The following IGFBP5 variants were observed in gnomAD, a reference collection of about 807,000 sequenced individuals.
IGFBP5 encodes insulin-like growth factor-binding protein 5.
Under a neutral mutation model 28.0 loss-of-function variants are expected in IGFBP5, and 12 were observed. The ratio of observed to expected loss-of-function variants is 0.43; its 90% CI spans 0.27 to 0.69. The LOEUF is 0.69. Ranked by LOEUF, IGFBP5 falls within the 30% of genes least tolerant of loss-of-function variation. IGFBP5 has a pLI of 0.20. For synonymous variants in IGFBP5, 152 were observed against 150.2 expected (o/e 1.01, Z -0.09); for missense variants, 344 against 381.6 (o/e 0.90, Z 0.82).
chr2:216,687,253 A>G (rs1232995208), intron 1 of IGFBP5, among the ~76,000 whole-genome samples: 1 of 152,000 alleles, frequency 6.6e-6, no homozygotes, highest in Non-Finnish European at 1.5e-5. Flanking sequence ...CCACTTAGAG[A>G]GCTCCCCCTG....
At chr2:216,693,157 T>A (rs1689120377) in intron 1 of IGFBP5, among the ~76,000 whole-genome samples, 1 of 151,876 alleles carries the variant, frequency 6.6e-6, no homozygotes, top group Non-Finnish European at 1.5e-5. Context: ...TTTAACTTTT[T>A]TTTTTTTTAA....
intron 1 of IGFBP5, among the ~76,000 whole-genome samples, chr2:216,687,574 C>A (rs1364491812): frequency 6.6e-6 from 1 of 152,222 alleles, no homozygotes; most frequent in Non-Finnish European, 1.5e-5. Flanking sequence ...ATAGGAAATA[C>A]ACACTGATGC....
chr2:216,678,858 A>T lies in IGFBP5; in HGVS notation c.559T>A (p.Ser187Thr). Residue 187 changes from serine (S) to threonine (T), a missense_variant, in exon 2 of 4, where the codon TCT becomes ACT. By Grantham distance (58) the Ser-to-Thr change is moderately conservative (BLOSUM62 1). Around this residue, in one of 3 missense-constraint regions of IGFBP5, gnomAD observed 304 missense variants for 329.2 expected, o/e 0.92. Transcript: ENST00000233813. ...GAATCCCCGAGATGCACCTGCTCAGACTCCTGTCTCATCTCAGGTGCAGAG... is the reference window on the plus strand; with the variant it reads ...GAATCCCCGAGATGCACCTGCTCAGTCTCCTGTCTCATCTCAGGTGCAGAG... ...IISAPEMRQE[S>T]EQGPCRRHME... The T allele has an allele frequency of 6.2e-7, 1 of 1,613,006 alleles. No homozygotes were observed. Among genetic ancestry groups the T allele is most frequent in the Non-Finnish European group, 8.5e-7 (1 of 1,179,210 alleles).
At chr2:216,687,390 G>A (rs1574581581) in intron 1 of IGFBP5, among the ~76,000 whole-genome samples, 2 of 151,590 alleles carry the variant, frequency 1.3e-5, no homozygotes, top group Non-Finnish European at 2.9e-5. Context: ...CAGGTGGGAA[G>A]GTGACACCTC....
intron 1 of IGFBP5, among the ~76,000 whole-genome samples, chr2:216,685,800 A>T (rs536217260): frequency 1.3e-5 from 2 of 152,312 alleles, no homozygotes; most frequent in East Asian, 3.9e-4. Flanking sequence ...AAGTGGCAAC[A>T]TCATTTCTTT....
chr2:216,687,990 A>G (rs1689051674), intron 1 of IGFBP5, among the ~76,000 whole-genome samples: 1 of 152,206 alleles, frequency 6.6e-6, no homozygotes, highest in Non-Finnish European at 1.5e-5. Context: ...GAGCAAAAGG[A>G]AAGAGTGGGG....
At position 216,684,505 on chromosome 2, in the gene IGFBP5, C is replaced by T. The variant is rs1249106442; in HGVS notation, c.338-5426G>A. Among the ~76,000 whole-genome samples the T allele has an allele frequency of 7.2e-5, 11 of 152,330 alleles. No homozygotes were observed. In the South Asian group the frequency reaches 1.5e-3, roughly 20 times the overall value. On this transcript the variant is annotated intron_variant, in intron 1 of 3. Transcript: ENST00000233813. ...GAAATTCACAGTCCAGGAAGAGTGT[C>T]GGGCTTTGCCAGGCCACCCAGACCT... is the stretch of plus-strand genomic sequence containing the variant.
chr2:216,679,641 A>G lies in IGFBP5; in HGVS notation c.338-562T>C, dbSNP rs1479543853. Among the ~76,000 whole-genome samples, 4 of 152,014 alleles carry G rather than the reference A, an allele frequency of 2.6e-5. No individual in the cohort carries two copies. Among genetic ancestry groups the G allele is most frequent in the Non-Finnish European group, 4.4e-5 (3 of 68,002 alleles). Reference sequence around the variant, plus strand: ...GTTGAGGTCTCTTTGGACCTGGGGAACCTAGGAGGAGGGGGTCCTGGGGTC... The same window carrying G: ...GTTGAGGTCTCTTTGGACCTGGGGAGCCTAGGAGGAGGGGGTCCTGGGGTC... On this transcript the variant is annotated intron_variant, in intron 1 of 3. Transcript: ENST00000233813. The surrounding 1 kb of genome is among the most constrained non-coding windows in gnomAD (Gnocchi z 4.6).
At position 216,695,306 on chromosome 2, in the gene IGFBP5, G is replaced by A. The variant is rs1689155101; in HGVS notation, c.-531C>T. The A allele has an allele frequency of 6.6e-6, 1 of 152,222 alleles. No individual in the cohort carries two copies. The highest frequency in any genetic ancestry group is 2.1e-4 in the South Asian group (1 of 4,808). 9.4% of individuals were successfully genotyped at this position (152,222 alleles called of 1,614,324 possible). ...GGCGTTGGCTGCAGCCGAGAGGGTG[G>A]GAGAAAATGTTGAAATCAAGAAATT... On this transcript the variant is annotated 5_prime_UTR_variant, in exon 1 of 4. Coordinates refer to ENST00000233813, the MANE Select transcript of IGFBP5 (RefSeq NM_000599.4).
chr2:216,685,999 G>GA (rs111976159), intron 1 of IGFBP5, among the ~76,000 whole-genome samples: 2,439 of 142,202 alleles, frequency 0.017, 58 homozygotes, highest in African/African-American at 0.054. Flanking sequence ...AACCTTTTAA[G>GA]AAAAAAAAAA....
At chr2:216,677,968 C>G in intron 3 of IGFBP5, 144 bp downstream of exon 3, 1 of 645,736 alleles carries the variant, frequency 1.5e-6, no homozygotes, top group South Asian at 4.6e-5. Context: ...AAGTCATGAT[C>G]GTGGTATATG....
rs745368643 is a variant in IGFBP5, at chr2:216,678,139, G to A, written c.660C>T (p.Asp220=). The A allele has an allele frequency of 1.3e-6, 2 of 1,568,448 alleles. No individual in the cohort carries two copies. The highest frequency in any genetic ancestry group is 1.2e-5 in the South Asian group (1 of 84,674). ...VPRAVYLPNC[D]RKGFYKRKQC... is the part of the protein sequence containing the mutation. The stretch of plus-strand genomic sequence containing the variant: ...GCTTTCTCTTGTAGAATCCTTTGCG[G>A]TCACAATTGGGCAGGTACACAGCAC... Residue 220 remains aspartate (D), a synonymous_variant, in exon 3 of 4, where the codon GAC becomes GAT. Coordinates refer to ENST00000233813, the MANE Select transcript of IGFBP5 (RefSeq NM_000599.4).
At chr2:216,677,008 G>T in intron 3 of IGFBP5, 126 bp from the exon 4 acceptor site, 1 of 1,000,454 alleles carries the variant, frequency 1.0e-6, no homozygotes, top group Non-Finnish European at 1.4e-6. Flanking sequence ...CACTAGACCC[G>T]ACCCTTGGGT....
Position 216,694,553 on chromosome 2 carries a change from C to A in IGFBP5, c.223G>T (p.Ala75Ser). 2 of 1,566,882 alleles carry A rather than the reference C, an allele frequency of 1.3e-6. No homozygotes were observed. The highest frequency in any genetic ancestry group is 1.7e-6 in the Non-Finnish European group (2 of 1,158,986). The change falls in exon 1 of 4, where the codon GCC becomes TCC. Residue 75 changes from alanine (A) to serine (S), a missense_variant. Physicochemically the swap from Ala to Ser is moderately conservative, Grantham distance 99. Coordinates refer to ENST00000233813, the MANE Select transcript of IGFBP5 (RefSeq NM_000599.4). This position sits in a 1 kb window ranked among gnomAD's most constrained non-coding sequence, Gnocchi z 5.2. ...CGGGGGAGGCAGCGCAGCCCCTGGG[C>A]GCAGCGCTCGGTGTAGACGCCGCAC... ...QSCGVYTERC[A>S]QGLRCLPRQD...
At position 216,679,122 on chromosome 2, in the gene IGFBP5, G is replaced by A. The variant is rs750736255; in HGVS notation, c.338-43C>T. The A allele has an allele frequency of 3.2e-6, 5 of 1,543,170 alleles. No homozygotes were observed. The highest frequency in any genetic ancestry group is 1.1e-5 in the South Asian group (1 of 89,582). On this transcript the variant is annotated intron_variant, in intron 1 of 3. Coordinates refer to ENST00000233813, the MANE Select transcript of IGFBP5 (RefSeq NM_000599.4). The surrounding 1 kb of genome is among the most constrained non-coding windows in gnomAD (Gnocchi z 4.6). Reference sequence around the variant, plus strand: ...GGAGGGTCAGCCCCCGTGGGCCAAGGTGCACACGGCCAGAGCCCAGGGCTG... The same window carrying A: ...GGAGGGTCAGCCCCCGTGGGCCAAGATGCACACGGCCAGAGCCCAGGGCTG...
rs1165732538 is a variant in IGFBP5 at position 216,676,207 on chromosome 2, T to A, written c.*544A>T. On this transcript the variant is annotated 3_prime_UTR_variant, in exon 4 of 4. Coordinates refer to ENST00000233813, the MANE Select transcript of IGFBP5 (RefSeq NM_000599.4). ...GAGGAGGAGACAGATCCGGGAGAGG[T>A]CCTGGAGTGTTTTGCCTTTTCCTTT... is the stretch of plus-strand genomic sequence containing the variant. 2 of 152,988 alleles carry A rather than the reference T, an allele frequency of 1.3e-5. No homozygotes were observed. Among genetic ancestry groups the A allele is most frequent in the Non-Finnish European group, 2.9e-5 (2 of 68,512 alleles). The allele number at this position is 152,988 out of a possible 1,614,324, so 9.5% of individuals were successfully genotyped here. A position where few individuals can be genotyped will look rare whatever the true frequency, so the allele number is the denominator to read the frequency against.
intron 1 of IGFBP5, among the ~76,000 whole-genome samples, chr2:216,680,008 C>T (rs918162498): frequency 1.3e-5 from 2 of 152,122 alleles, no homozygotes; most frequent in Non-Finnish European, 2.9e-5. Context: ...TTTCTTGGTG[C>T]GCAGTTTTCC....
In IGFBP5 at chr2:216,678,280, C is replaced by A. The variant is rs13398831; in HGVS notation, c.568-49G>T. Reference sequence around the variant, plus strand: ...GCGTGGCGAGACCAAGGGAAAACCACCCAGCTGCGCTGACGAATGGCCCAG... The same window carrying A: ...GCGTGGCGAGACCAAGGGAAAACCAACCAGCTGCGCTGACGAATGGCCCAG... On this transcript the variant is annotated intron_variant, in intron 2 of 3. Coordinates refer to ENST00000233813, the MANE Select transcript of IGFBP5 (RefSeq NM_000599.4). 245 of 1,460,124 alleles carry A rather than the reference C, an allele frequency of 1.7e-4. No individual in the cohort carries two copies. The African/African-American group carries it at 2.9e-3, about 17-fold the overall frequency. The allele number at this position is 1,460,124 out of a possible 1,614,324, so 90.4% of individuals were successfully genotyped here. A position where few individuals can be genotyped will look rare whatever the true frequency, so the allele number is the denominator to read the frequency against.
Position 216,694,927 on chromosome 2 carries a change from G to A in IGFBP5, c.-152C>T, listed in dbSNP as rs1689150883. 2.1e-6 allele frequency: 1 copy of A among 472,518 alleles called. No individual in the cohort carries two copies. The highest frequency in any genetic ancestry group is 3.5e-6 in the Non-Finnish European group (1 of 285,696). The allele number at this position is 472,518 out of a possible 1,614,324, so 29.3% of individuals were successfully genotyped here. A position where few individuals can be genotyped will look rare whatever the true frequency, so the allele number is the denominator to read the frequency against. ...AGCAGGTGCCCTCCCCCAGACACTT[G>A]CAAAAATGTAGAGAGAGGTGGAGGG... On this transcript the variant is annotated 5_prime_UTR_variant, in exon 1 of 4. Coordinates refer to ENST00000233813, the MANE Select transcript of IGFBP5 (RefSeq NM_000599.4). The surrounding 1 kb of genome is among the most constrained non-coding windows in gnomAD (Gnocchi z 5.2).
Sources: gnomAD v4.1 joint callset for allele counts (sites outside exome capture counted in the v4.1 genomes callset) on GRCh38, gnomAD v4.1.1 for gene constraint, gnomAD v4.1.1 regional missense constraint, Gnocchi (gnomAD v3.1) non-coding constraint, MANE v1.5 for transcripts, NCBI Gene and HGNC (gene_info 2026-07-23, HGNC 2026-07-21) for gene names.